CPA6: variants seen among roughly 807,000 people sequenced by gnomAD.
The protein encoded by CPA6 is carboxypeptidase B.
A neutral mutation model predicts 63.3 loss-of-function variants in CPA6; 58 were observed. The observed-to-expected ratio is 0.92, with a 90% CI of 0.74 to 1.14. The LOEUF (loss-of-function observed/expected upper bound fraction) is 1.14. CPA6 is among the 50% of genes most tolerant of loss of function. The pLI is 0.00. For missense variants in CPA6, 565 were observed against 526.6 expected, an observed-to-expected ratio of 1.07 and a Z score of -0.71; for synonymous variants, 185 against 179.0, an observed-to-expected ratio of 1.03 and a Z score of -0.27.
chr8:67,546,253 C>T (rs1340475886), intron 2 of CPA6, among the ~76,000 whole-genome samples: 1 of 152,218 alleles, frequency 6.6e-6, no homozygotes, highest in Non-Finnish European at 1.5e-5. Context: ...CCTGAAGCTT[C>T]AGCTTGGTGA....
At chr8:67,546,998 G>A (rs545933208) in intron 2 of CPA6, among the ~76,000 whole-genome samples, 21 of 152,098 alleles carry the variant, frequency 1.4e-4, no homozygotes, top group African/African-American at 4.6e-4. Flanking sequence ...CTGAATTTAC[G>A]TTTTTAACAA....
intron 8 of CPA6, among the ~76,000 whole-genome samples, chr8:67,479,971 C>CTT (rs1002477758): frequency 1.4e-5 from 2 of 144,272 alleles, no homozygotes; most frequent in Non-Finnish European, 1.5e-5. Context: ...CCCGGCTCCA[C>CTT]TTTTTTTTTT....
chr8:67,693,440 C>A (rs1816852600), intron 1 of CPA6, among the ~76,000 whole-genome samples: 1 of 152,198 alleles, frequency 6.6e-6, no homozygotes, highest in Admixed American at 6.5e-5. Context: ...TGGTACATTG[C>A]AAGCATCAAA....
intron 1 of CPA6, among the ~76,000 whole-genome samples, chr8:67,713,758 A>G (rs1278006076): frequency 1.3e-5 from 2 of 152,140 alleles, no homozygotes; most frequent in Non-Finnish European, 2.9e-5. Context: ...GGCCTCATTT[A>G]GTTTTTCTTT....
intron 8 of CPA6, among the ~76,000 whole-genome samples, chr8:67,459,486 T>C (rs969750697): frequency 6.6e-6 from 1 of 152,178 alleles, no homozygotes; most frequent in African/African-American, 2.4e-5. Flanking sequence ...AATGTAAACG[T>C]GTGTTACTAA....
chr8:67,570,358 C>A (rs1044901686), intron 2 of CPA6, among the ~76,000 whole-genome samples: 2 of 152,068 alleles, frequency 1.3e-5, no homozygotes, highest in African/African-American at 4.8e-5. Flanking sequence ...TAAATAATAA[C>A]GCTAAACATA....
intron 8 of CPA6, among the ~76,000 whole-genome samples, chr8:67,462,563 T>C (rs914871109): frequency 6.6e-6 from 1 of 152,216 alleles, no homozygotes; most frequent in Non-Finnish European, 1.5e-5. Flanking sequence ...AAGGCACATG[T>C]ATTTCTTTTT....
In CPA6 at chr8:67,591,361, C is replaced by T. The variant is rs955808065; in HGVS notation, c.192+32815G>A. 8.0e-4 allele frequency among the ~76,000 whole-genome samples: 122 copies of T among 152,010 alleles called. 1 individual carries two copies. Among genetic ancestry groups the T allele is most frequent in the African/African-American group, 2.6e-3 (106 of 41,462 alleles). Reference sequence around the variant, plus strand: ...TTCTTTTGGCTTAGGATTGACTTGGCGATGTGGGCTCTTTTTTGGTTCCAT... The same window carrying T: ...TTCTTTTGGCTTAGGATTGACTTGGTGATGTGGGCTCTTTTTTGGTTCCAT... On this transcript the variant is annotated intron_variant, in intron 2 of 10. Transcript: ENST00000297770.
chr8:67,463,473 A>G (rs949733800), intron 8 of CPA6, among the ~76,000 whole-genome samples: 4 of 145,374 alleles, frequency 2.8e-5, no homozygotes, highest in East Asian at 2.1e-4. Context: ...TAAATAAATA[A>G]ATAGATAAAT....
intron 8 of CPA6, among the ~76,000 whole-genome samples, chr8:67,461,954 T>G (rs1249332017): frequency 6.6e-6 from 1 of 152,192 alleles, no homozygotes; most frequent in African/African-American, 2.4e-5. Flanking sequence ...GAGAAGGGTT[T>G]TGAATAGTGG....
chr8:67,564,964 A>C (rs980552915), intron 2 of CPA6, among the ~76,000 whole-genome samples: 25 of 152,190 alleles, frequency 1.6e-4, no homozygotes, highest in African/African-American at 6.0e-4. Flanking sequence ...GCTTACTGAA[A>C]GATGAACTGA....
intron 1 of CPA6, among the ~76,000 whole-genome samples, chr8:67,744,464 T>TAGGGA (rs1375456589): frequency 1.3e-5 from 2 of 152,136 alleles, no homozygotes; most frequent in African/African-American, 4.8e-5. Flanking sequence ...AAGTGGTGCT[T>TAGGGA]AGGGAAGGGT....
intron 10 of CPA6, among the ~76,000 whole-genome samples, chr8:67,426,950 C>T (rs1237634769): frequency 1.3e-5 from 2 of 152,194 alleles, no homozygotes; most frequent in Non-Finnish European, 2.9e-5. Flanking sequence ...CTACAATGCC[C>T]ATACTATGAT....
At chr8:67,733,231 AAT>A (rs1297020245) in intron 1 of CPA6, among the ~76,000 whole-genome samples, 132 of 135,144 alleles carry the variant, frequency 9.8e-4, no homozygotes, top group Middle Eastern at 8.0e-3. Flanking sequence ...AAAATAAAAA[AAT>A]TTAGCGTCTA....
intron 8 of CPA6, among the ~76,000 whole-genome samples, chr8:67,477,228 T>G (rs1045908551): frequency 7.0e-6 from 1 of 142,130 alleles, no homozygotes; most frequent in Non-Finnish European, 1.5e-5. Flanking sequence ...AGGCGGAGCT[T>G]GCAGTGAGCT....
intron 8 of CPA6, among the ~76,000 whole-genome samples, chr8:67,475,822 CT>C (rs11316135): frequency 0.27 from 12,206 of 46,048 alleles, 1,350 homozygotes; most frequent in Middle Eastern, 0.42. Flanking sequence ...TCTTTCCTTT[CT>C]TTTCTTTCTT....
At chr8:67,476,294 T>C (rs894754817) in intron 8 of CPA6, among the ~76,000 whole-genome samples, 12 of 151,976 alleles carry the variant, frequency 7.9e-5, no homozygotes, top group Non-Finnish European at 4.4e-5. Context: ...TGAGCCAACA[T>C]GCCCGCCCCA....
rs1563956701 is a variant in CPA6, at chr8:67,447,542, CA to C, written c.839-13303del. 2.5e-3 allele frequency among the ~76,000 whole-genome samples: 316 copies of C among 124,432 alleles called. 1 individual carries two copies. Among genetic ancestry groups the C allele is most frequent in the African/African-American group, 0.014 (287 of 20,484 alleles). The allele number at this position is 124,432 out of a possible 152,430, so 81.6% of individuals were successfully genotyped here. The stretch of plus-strand genomic sequence containing the variant: ...ACACACACACACACACACACACACA[CA>C]CACATACACATTTTAAATAGGTGAT... On this transcript the variant is annotated intron_variant, in intron 8 of 10. Transcript: ENST00000297770.
At chr8:67,586,238 A>G (rs1813930018) in intron 2 of CPA6, among the ~76,000 whole-genome samples, 1 of 152,114 alleles carries the variant, frequency 6.6e-6, no homozygotes, top group African/African-American at 2.4e-5. Flanking sequence ...AGTAAGTCAT[A>G]TTATTCTGTA....
Sources: gnomAD v4.1 joint callset for allele counts (sites outside exome capture counted in the v4.1 genomes callset) on GRCh38, gnomAD v4.1.1 for gene constraint, MANE v1.5 for transcripts, NCBI Gene and HGNC (gene_info 2026-07-23, HGNC 2026-07-21) for gene names.